Variants in SPATA20 observed in about 807,000 individuals in gnomAD.
SPATA20 encodes spermatogenesis-associated protein 20.
A neutral mutation model predicts 98.9 loss-of-function variants in SPATA20; 74 were observed. That is an observed-to-expected ratio of 0.75 (90% CI 0.62 to 0.91). The LOEUF (loss-of-function observed/expected upper bound fraction) is 0.91. Among genes scored for constraint, SPATA20 ranks in the 40% least tolerant of loss-of-function variants. SPATA20 has a pLI of 0.00. For synonymous variants in SPATA20, 430 were observed against 440.5 expected (o/e 0.98, Z 0.30); for missense variants, 1,016 against 1,069.8 (o/e 0.95, Z 0.70).
rs1263957216 is a variant in SPATA20, at chr17:50,550,869, C to T, written c.1335C>T (p.Leu445=). The part of the protein sequence containing the change: ...ATEPLTSGQL[L]MKHYGLTEAG... ...AGCCGCTGACCTCAGGCCAGCTCCT[C>T]ATGAAGCACTACGGCCTCACAGAGG... Residue 445 remains leucine, a synonymous_variant, in exon 11 of 17, where the codon CTC becomes CTT. Transcript: ENST00000006658. The T allele has an allele frequency of 2.5e-6, 4 of 1,612,998 alleles. No individual in the cohort carries two copies. Among genetic ancestry groups the T allele is most frequent in the South Asian group, 1.1e-5 (1 of 91,090 alleles).
chr17:50,554,273 C>T lies in SPATA20; in HGVS notation c.1980C>T (p.Ser660=), dbSNP rs191570757. Residue 660 remains serine (S), a synonymous_variant, in exon 15 of 17, where the codon AGC becomes AGT. Coordinates refer to ENST00000006658, the MANE Select transcript of SPATA20 (RefSeq NM_022827.4). ...TAGACCAGGATGGAGCAGAGCCCAG[C>T]GCCAATTCCGTGTCAGCCCACAACC... ...LKDDQDGAEP[S]ANSVSAHNLL... 4.6e-4 allele frequency: 750 copies of T among 1,614,146 alleles called. 1 individual carries two copies. The highest frequency in any genetic ancestry group is 5.7e-4 in the Admixed American group (34 of 60,036).
At chr17:50,554,891 G>GTGTC (rs1278848592) in intron 15 of SPATA20, among the ~76,000 whole-genome samples, 1 of 49,946 alleles carries the variant, frequency 2.0e-5, no homozygotes, top group African/African-American at 4.2e-4. Flanking sequence ...TCTACTGTGT[G>GTGTC]TGTGTGTGTG....
intron 1 of SPATA20, 195 bp from the exon 2 acceptor site, chr17:50,547,525 C>A: frequency 1.5e-6 from 1 of 671,450 alleles, no homozygotes; most frequent in Non-Finnish European, 2.7e-6. Context: ...AGTGCCAGCT[C>A]CTCAGGGACT....
intron 4 of SPATA20, 68 bp downstream of exon 4, chr17:50,548,686 C>A: frequency 2.5e-6 from 4 of 1,591,796 alleles, no homozygotes; most frequent in Non-Finnish European, 2.6e-6. Flanking sequence ...GGAGGGTCCT[C>A]TCGGCCTGGC....
Position 50,551,101 on chromosome 17 carries a change from T to C in SPATA20, c.1487T>C (p.Leu496Ser), listed in dbSNP as rs760303282. 2.5e-6 allele frequency: 4 copies of C among 1,612,824 alleles called. No individual in the cohort carries two copies. The South Asian group carries it at 4.4e-5, about 18-fold the overall frequency. Reference protein sequence around the residue: ...FGLDVEAVRTLLNSGLEKLFQ... With the variant: ...FGLDVEAVRTSLNSGLEKLFQ... ...TTGGATGTGGAGGCCGTGCGGACCT[T>C]GCTCAATTCAGGGCTGGAGAAGCTC... Residue 496 changes from leucine to serine, a missense_variant, in exon 12 of 17, where the codon TTG (leucine) becomes TCG (serine). By Grantham distance (145) the Leu-to-Ser change is moderately radical (BLOSUM62 -2). Coordinates refer to ENST00000006658, the MANE Select transcript of SPATA20 (RefSeq NM_022827.4).
In SPATA20 at chr17:50,555,349, A is replaced by G. The variant is rs2035098458; in HGVS notation, c.2238+37A>G. On this transcript the variant is annotated intron_variant, in intron 16 of 16. Transcript: ENST00000006658. ...TGTGAGCCCAATCTGCCACCTCCCC[A>G]GAGCTGCCCCCTCCCATCCTCAGCT... 7 of 1,601,186 alleles carry G rather than the reference A, an allele frequency of 4.4e-6. No individual in the cohort carries two copies. In the East Asian group the frequency reaches 1.3e-4, roughly 31 times the overall value.
intron 2 of SPATA20, 173 bp from the exon 3 acceptor site, chr17:50,548,110 A>G (rs754576525): frequency 1.1e-5 from 16 of 1,505,990 alleles, no homozygotes; most frequent in Non-Finnish European, 1.3e-5. Flanking sequence ...TCACCCCCCA[A>G]AAAACATAAG....
rs142363634 is a variant in SPATA20 at position 50,552,169 on chromosome 17, G to A, written c.1946G>A (p.Arg649His). The A allele has an allele frequency of 1.8e-5, 29 of 1,613,444 alleles. No individual in the cohort carries two copies. Among genetic ancestry groups the A allele is most frequent in the Middle Eastern group, 3.3e-4 (2 of 6,084 alleles). The change falls in exon 14 of 17, where the codon CGT becomes CAT. Residue 649 changes from arginine (R) to histidine (H), a missense_variant. By Grantham distance (29) the Arg-to-His change is conservative. Transcript: ENST00000006658. ...GAGCTGGGGGCTGGCCTGCCCCTGC[G>A]TCTGAAGGACGGTCAGTGGGGGTGC... ...EAELGAGLPL[R>H]LKDDQDGAEP... is the part of the protein sequence containing the mutation.
chr17:50,547,181 G>A lies in SPATA20; in HGVS notation c.-28G>A. 7.1e-7 allele frequency: 1 copy of A among 1,414,452 alleles called. No homozygotes were observed. Among genetic ancestry groups the A allele is most frequent in the Non-Finnish European group, 9.1e-7 (1 of 1,093,056 alleles). 87.6% of individuals were successfully genotyped at this position (1,414,452 alleles called of 1,614,324 possible). The stretch of plus-strand genomic sequence containing the variant: ...CTCCTGACTTCCCTTCCTGTCCTCA[G>A]CGGCCGGGCCCACGGCCCCGAGCAG... On this transcript the variant is annotated 5_prime_UTR_variant, in exon 1 of 17. Transcript: ENST00000006658.
Position 50,551,976 on chromosome 17 carries a change from C to T in SPATA20, c.1753C>T (p.Pro585Ser). Residue 585 changes from proline (P) to serine (S), a missense_variant, in exon 14 of 17, where the codon CCC becomes TCC. By Grantham distance (74) the Pro-to-Ser change is moderately conservative. Transcript: ENST00000006658. ...GTAATGCCTGTCCCCCAGCAACCCA[C>T]CCTGCTGGGGCTTCCTGGAGGACTA... ...PGGTVEHSNP[P>S]CWGFLEDYAF... 1 of 1,596,946 alleles carries T rather than the reference C, an allele frequency of 6.3e-7. No homozygotes were observed. Among genetic ancestry groups the T allele is most frequent in the Non-Finnish European group, 8.5e-7 (1 of 1,171,250 alleles).
chr17:50,554,502 G>T (rs1276306813), intron 15 of SPATA20, 52 bp downstream of exon 15: 1 of 1,567,510 alleles, frequency 6.4e-7, no homozygotes, highest in Admixed American at 1.7e-5. Context: ...GGAAGTTGGG[G>T]CTGCGATGGC....
intron 14 of SPATA20, 78 bp from the exon 15 acceptor site, chr17:50,554,173 T>G: frequency 1.5e-6 from 2 of 1,378,838 alleles, no homozygotes; most frequent in South Asian, 2.4e-5. Flanking sequence ...CAAGTGGCCC[T>G]GGATACAGTC....
intron 2 of SPATA20, chr17:50,548,016 C>T: frequency 6.8e-7 from 1 of 1,473,176 alleles, no homozygotes; most frequent in Non-Finnish European, 8.9e-7. Flanking sequence ...CCCGCCCTGA[C>T]CTCACAGCCA....
At chr17:50,554,164 A>G (rs1366551742) in intron 14 of SPATA20, 87 bp from the exon 15 acceptor site, 1 of 1,238,044 alleles carries the variant, frequency 8.1e-7, no homozygotes, top group African/African-American at 1.5e-5. Context: ...CCCGTCCCCC[A>G]AGTGGCCCTG....
chr17:50,552,817 G>A (rs1312865308), intron 14 of SPATA20, among the ~76,000 whole-genome samples: 1 of 152,052 alleles, frequency 6.6e-6, no homozygotes, highest in South Asian at 2.1e-4. Flanking sequence ...GCCTCCCAAA[G>A]TGCTGGGATT....
In SPATA20 at chr17:50,547,252, C is replaced by T. The variant is rs1314325991; in HGVS notation, c.44C>T (p.Pro15Leu). ...RAWLGRVLLL[P>L]RAGAGLAASR... ...TGGTTGGGCCGCGTCCTTCTGCTGCCCCGCGCCGGTGCAGGCCTCGCCGCG... is the reference window on the plus strand; with the variant it reads ...TGGTTGGGCCGCGTCCTTCTGCTGCTCCGCGCCGGTGCAGGCCTCGCCGCG... Residue 15 changes from proline (P) to leucine (L), a missense_variant, in exon 1 of 17, where the codon CCC (proline) becomes CTC (leucine). Transcript: ENST00000006658. 10 of 1,399,656 alleles carry T rather than the reference C, an allele frequency of 7.1e-6. No homozygotes were observed. Among genetic ancestry groups the T allele is most frequent in the Non-Finnish European group, 8.3e-6 (9 of 1,088,186 alleles). The allele number at this position is 1,399,656 out of a possible 1,614,324, so 86.7% of individuals were successfully genotyped here. A position where few individuals can be genotyped will look rare whatever the true frequency, so the allele number is the denominator to read the frequency against.
At chr17:50,548,989 A>G (rs751271834) in intron 5 of SPATA20, 25 bp downstream of exon 5, 3 of 1,613,946 alleles carry the variant, frequency 1.9e-6, no homozygotes, top group African/African-American at 1.3e-5. Context: ...TCGGGAGTGT[A>G]TGCGCCACAT....
At chr17:50,555,174 T>C (rs895106098) in intron 15 of SPATA20, 58 bp from the exon 16 acceptor site, 2 of 1,416,720 alleles carry the variant, frequency 1.4e-6, no homozygotes, top group Non-Finnish European at 2.0e-6. Context: ...GCCCTGGTGG[T>C]CTAGGGCTCA....
rs766523782 is a variant in SPATA20, at chr17:50,547,182, C to T, written c.-27C>T. The T allele has an allele frequency of 1.1e-4, 151 of 1,412,624 alleles. 2 individuals carry two copies. In the South Asian group the frequency reaches 2.1e-3, roughly 20 times the overall value. 87.5% of individuals were successfully genotyped at this position (1,412,624 alleles called of 1,614,324 possible). On this transcript the variant is annotated 5_prime_UTR_variant, in exon 1 of 17. Coordinates refer to ENST00000006658, the MANE Select transcript of SPATA20 (RefSeq NM_022827.4). ...TCCTGACTTCCCTTCCTGTCCTCAGCGGCCGGGCCCACGGCCCCGAGCAGC... is the reference window on the plus strand; with the variant it reads ...TCCTGACTTCCCTTCCTGTCCTCAGTGGCCGGGCCCACGGCCCCGAGCAGC...
Sources: gnomAD v4.1 joint callset for allele counts (sites outside exome capture counted in the v4.1 genomes callset) on GRCh38, gnomAD v4.1.1 for gene constraint, MANE v1.5 for transcripts, NCBI Gene and HGNC (gene_info 2026-07-23, HGNC 2026-07-21) for gene names.